PARP12: variants seen among roughly 807,000 people sequenced by gnomAD.
PARP12 encodes the protein protein mono-ADP-ribosyltransferase PARP12.
PARP12 carries 59 observed loss-of-function variants against 72.4 expected under a neutral mutation model. The observed-to-expected ratio is 0.81, with a 90% CI of 0.66 to 1.01. The LOEUF is 1.01. Ranked by LOEUF, PARP12 falls within the 50% of genes least tolerant of loss-of-function variation. The probability of loss-of-function intolerance (pLI) is 0.00; values close to 1 mark genes in which losing one functional copy is unlikely to be tolerated. For missense variants in PARP12, 851 were observed against 914.0 expected (o/e 0.93, Z 0.89); for synonymous variants, 403 against 371.4 (o/e 1.09, Z -0.98).
intron 4 of PARP12, among the ~76,000 whole-genome samples, chr7:140,050,185 C>G (rs188697138): frequency 4.6e-5 from 7 of 152,164 alleles, no homozygotes; most frequent in Admixed American, 4.6e-4. Flanking sequence ...GCAGAACATA[C>G]CACAGAAGTA....
intron 8 of PARP12, chr7:140,033,581 TC>T: frequency 1.0e-6 from 1 of 985,336 alleles, no homozygotes. Flanking sequence ...TCCTCTCAGT[TC>T]CAATCCCATC....
intron 8 of PARP12, chr7:140,033,161 G>C: frequency 1.0e-6 from 1 of 982,340 alleles, no homozygotes. Context: ...TTGAACTGTT[G>C]GGATTACAGG....
chr7:140,057,927 A>C lies in PARP12; in HGVS notation c.434T>G (p.Phe145Cys). 1 of 1,614,202 alleles carries C rather than the reference A, an allele frequency of 6.2e-7. No homozygotes were observed. The highest frequency in any genetic ancestry group is 1.1e-5 in the South Asian group (1 of 91,080). Reference protein sequence around the residue: ...LSYNELCQLLFQNDPWLLPEI... With the variant: ...LSYNELCQLLCQNDPWLLPEI... ...TGGCAAAAGCCAGGGGTCGTTCTGA[A>C]ACAAGAGTTGGCATAGCTCATTATA... is the stretch of plus-strand genomic sequence containing the variant. The change falls in exon 2 of 12, where the codon TTT becomes TGT. Residue 145 changes from phenylalanine (F) to cysteine (C), a missense_variant. Phe to Cys is a radical substitution (Grantham distance 205). This residue lies in a region of PARP12 where 492 missense variants were observed against 489.3 expected (regional missense o/e 1.01). Coordinates refer to ENST00000263549, the MANE Select transcript of PARP12 (RefSeq NM_022750.4).
At chr7:140,025,555 G>A in intron 11 of PARP12, 1 of 456,442 alleles carries the variant, frequency 2.2e-6, no homozygotes, top group Non-Finnish European at 4.4e-6. Context: ...GTGTTAAAGG[G>A]TGAAAGGAGA....
At position 140,024,585 on chromosome 7, in the gene PARP12, C is replaced by G; in HGVS notation, c.2081G>C (p.Gly694Ala). The change falls in exon 12 of 12, where the codon GGC becomes GCC. Residue 694 changes from glycine to alanine, a missense_variant. Transcript: ENST00000263549. ...SVTPSILLAL[G>A]SLFSSRQ ...TCACTGTCGGCTGCTGAACAGGGAGCCCAAGGCCAGCAGGATGGAGGGTGT... is the reference window on the plus strand; with the variant it reads ...TCACTGTCGGCTGCTGAACAGGGAGGCCAAGGCCAGCAGGATGGAGGGTGT... The G allele has an allele frequency of 6.2e-7, 1 of 1,614,116 alleles. No homozygotes were observed. Among genetic ancestry groups the G allele is most frequent in the African/African-American group, 1.3e-5 (1 of 75,014 alleles).
intron 8 of PARP12, 68 bp downstream of exon 8, chr7:140,034,167 C>G: frequency 6.4e-7 from 1 of 1,555,844 alleles, no homozygotes; most frequent in Non-Finnish European, 8.7e-7. Context: ...GGCAGGTTTT[C>G]TGTCACCACT....
rs768356578 is a variant in PARP12 at position 140,024,791 on chromosome 7, G to A, written c.1875C>T (p.Gly625=). The change falls in exon 12 of 12, where the codon GGC becomes GGT. Residue 625 remains glycine, a synonymous_variant. Transcript: ENST00000263549. The stretch of plus-strand genomic sequence containing the variant: ...AGGAGGCATTGCCCCTGACGAACTC[G>A]CCCACCAGCACCCGGGCCAGGAACA... The part of the protein sequence containing the change: ...HTMFLARVLV[G]EFVRGNASFV... 2.3e-5 allele frequency: 37 copies of A among 1,614,154 alleles called. No homozygotes were observed. Among genetic ancestry groups the A allele is most frequent in the Non-Finnish European group, 3.1e-5 (36 of 1,180,024 alleles).
intron 3 of PARP12, among the ~76,000 whole-genome samples, chr7:140,056,342 C>T (rs980013876): frequency 1.3e-5 from 2 of 152,184 alleles, no homozygotes; most frequent in Non-Finnish European, 2.9e-5. Flanking sequence ...GAGCAGGGAA[C>T]AAAGCAAATT....
intron 8 of PARP12, among the ~76,000 whole-genome samples, chr7:140,030,700 C>G (rs10242990): frequency 0.39 from 59,447 of 152,208 alleles, 12,791 homozygotes; most frequent in East Asian, 0.56. Context: ...CCTTGTCCAA[C>G]CTGCAGCCCG....
chr7:140,034,170 T>C, intron 8 of PARP12, 65 bp downstream of exon 8: 1 of 1,560,054 alleles, frequency 6.4e-7, no homozygotes, highest in Non-Finnish European at 8.7e-7. Flanking sequence ...AGGTTTTCTG[T>C]CACCACTGCA....
In PARP12 at chr7:140,036,008, GAGAAGGAGGAGAAGGAGGAGA is replaced by G. The variant is rs1816172389; in HGVS notation, c.1324+1686_1325-1678del. Reference sequence around the variant, plus strand: ...GGAGGAGGAGGAGGAGGAGAAGGAGGAGAAGGAGGAGAAGGAGGAGAAGGAGGAGAAGGAGGAGAAGGAGGA... The same window carrying G: ...GGAGGAGGAGGAGGAGGAGAAGGAGGAGGAGGAGAAGGAGGAGAAGGAGGA... On this transcript the variant is annotated intron_variant, in intron 7 of 11. Transcript: ENST00000263549. 1.4e-4 allele frequency among the ~76,000 whole-genome samples: 7 copies of G among 51,828 alleles called. 1 individual carries two copies. The highest frequency in any genetic ancestry group is 4.6e-4 in the African/African-American group (3 of 6,586). 34.0% of individuals were successfully genotyped at this position (51,828 alleles called of 152,430 possible).
chr7:140,027,240 G>T, intron 10 of PARP12, 36 bp downstream of exon 10: 2 of 1,604,736 alleles, frequency 1.2e-6, no homozygotes, highest in South Asian at 2.2e-5. Flanking sequence ...TGAAGGGACA[G>T]AGTCACCAGC....
intron 8 of PARP12, chr7:140,033,536 T>C (rs766873830): frequency 2.0e-6 from 2 of 985,374 alleles, no homozygotes; most frequent in East Asian, 1.1e-4. Flanking sequence ...CTTCCCCCAA[T>C]ATGTGGCTGT....
chr7:140,025,220 G>A (rs1366566430), intron 11 of PARP12: 2 of 337,472 alleles, frequency 5.9e-6, no homozygotes, highest in Non-Finnish European at 1.1e-5. Flanking sequence ...CATAAAATGG[G>A]GCTGTTCAGC....
At chr7:140,035,740 T>C (rs1444346767) in intron 7 of PARP12, among the ~76,000 whole-genome samples, 1 of 152,144 alleles carries the variant, frequency 6.6e-6, no homozygotes, top group Non-Finnish European at 1.5e-5. Context: ...GTGTGGCAGT[T>C]TGCTTTGAGA....
chr7:140,035,884 A>G (rs866689808), intron 7 of PARP12, among the ~76,000 whole-genome samples: 6,183 of 53,594 alleles, frequency 0.12, 807 homozygotes, highest in African/African-American at 0.3. Context: ...AGGAGGAGGA[A>G]GAGGAAGAGG....
intron 6 of PARP12, among the ~76,000 whole-genome samples, chr7:140,038,919 C>G (rs1311821728): frequency 6.6e-6 from 1 of 152,214 alleles, no homozygotes; most frequent in Non-Finnish European, 1.5e-5. Flanking sequence ...AGGTCCCACA[C>G]AGGTCTCACG....
intron 6 of PARP12, chr7:140,038,238 C>A: frequency 1.0e-6 from 1 of 985,434 alleles, no homozygotes. Flanking sequence ...GCTGGTCTTA[C>A]CCGTCTATTC....
intron 7 of PARP12, chr7:140,034,647 G>T: frequency 4.8e-6 from 1 of 206,360 alleles, no homozygotes; most frequent in Non-Finnish European, 1.0e-5. Context: ...TTCCCAGCTT[G>T]GATATAAAAA....
Sources: gnomAD v4.1 joint callset for allele counts (sites outside exome capture counted in the v4.1 genomes callset) on GRCh38, gnomAD v4.1.1 for gene constraint, gnomAD v4.1.1 regional missense constraint, MANE v1.5 for transcripts, NCBI Gene and HGNC (gene_info 2026-07-23, HGNC 2026-07-21) for gene names.